Variants in DGKB observed in about 807,000 individuals in gnomAD.
DGKB encodes the protein diacylglycerol kinase beta.
A neutral mutation model predicts 114.3 loss-of-function variants in DGKB; 67 were observed. That is an observed-to-expected ratio of 0.59 (90% CI 0.48 to 0.72). The LOEUF (loss-of-function observed/expected upper bound fraction) is 0.72. Ranked by LOEUF, DGKB falls within the 30% of genes least tolerant of loss-of-function variation. The probability of loss-of-function intolerance (pLI) is 0.00; values close to 1 mark genes in which losing one functional copy is unlikely to be tolerated. For missense variants in DGKB, 907 were observed against 975.2 expected, an observed-to-expected ratio of 0.93 and a Z score of 0.93; for synonymous variants, 398 against 323.1, an observed-to-expected ratio of 1.23 and a Z score of -2.49.
intron 20 of DGKB, among the ~76,000 whole-genome samples, chr7:14,572,500 A>G (rs1052091085): frequency 1.3e-5 from 2 of 151,910 alleles, no homozygotes; most frequent in African/African-American, 4.8e-5. Flanking sequence ...AGTAACAATG[A>G]CTCTCCAAAT....
intron 4 of DGKB, among the ~76,000 whole-genome samples, chr7:14,739,167 G>C (rs1832172847): frequency 6.6e-6 from 1 of 152,196 alleles, no homozygotes; most frequent in Non-Finnish European, 1.5e-5. Context: ...TCTAACGATA[G>C]AGGCAGGACA....
rs1169707049 is a variant in DGKB, at chr7:14,626,728, CA to C, written c.1167+3507del. The stretch of plus-strand genomic sequence containing the variant: ...TATTAGTAATCTTTGGAAATTGCAG[CA>C]AAACTATTTGCTGACTAGAAAAAAC... On this transcript the variant is annotated intron_variant, in intron 14 of 25. Coordinates refer to ENST00000402815, the MANE Select transcript of DGKB (RefSeq NM_001350709.2). Among the ~76,000 whole-genome samples the C allele has an allele frequency of 2.6e-5, 4 of 152,006 alleles. No homozygotes were observed. In the East Asian group the frequency reaches 7.7e-4, roughly 29 times the overall value.
intron 21 of DGKB, among the ~76,000 whole-genome samples, chr7:14,432,368 C>T (rs773265421): frequency 2.3e-4 from 35 of 152,120 alleles, no homozygotes; most frequent in Non-Finnish European, 4.6e-4. Flanking sequence ...ATCATCACTC[C>T]CTCCGTGCAA....
intron 21 of DGKB, among the ~76,000 whole-genome samples, chr7:14,399,883 G>C (rs1461392033): frequency 3.3e-5 from 5 of 151,770 alleles, no homozygotes; most frequent in Non-Finnish European, 5.9e-5. Flanking sequence ...AGTCTTCATA[G>C]ACTGCCAGAT....
intron 21 of DGKB, among the ~76,000 whole-genome samples, chr7:14,468,850 T>C (rs1228924284): frequency 6.6e-6 from 1 of 152,046 alleles, no homozygotes; most frequent in Non-Finnish European, 1.5e-5. Context: ...CTAGAAGTAT[T>C]TGTATGTGTG....
At chr7:14,742,146 T>C (rs937512543) in intron 4 of DGKB, among the ~76,000 whole-genome samples, 3 of 152,192 alleles carry the variant, frequency 2.0e-5, no homozygotes, top group African/African-American at 7.2e-5. Flanking sequence ...CCCCAGTAAT[T>C]AGAGGCAGAT....
At chr7:14,318,608 A>C (rs1322504953) in intron 23 of DGKB, among the ~76,000 whole-genome samples, 6 of 152,108 alleles carry the variant, frequency 3.9e-5, no homozygotes, top group African/African-American at 7.2e-5. Flanking sequence ...CACCAGTTAG[A>C]ATGGCAATCA....
intron 21 of DGKB, among the ~76,000 whole-genome samples, chr7:14,442,358 A>G (rs1453399130): frequency 6.6e-6 from 1 of 151,872 alleles, no homozygotes; most frequent in Non-Finnish European, 1.5e-5. Context: ...AATTCTTGAT[A>G]TTCTTAATAT....
intron 23 of DGKB, among the ~76,000 whole-genome samples, chr7:14,203,462 G>T (rs1286992515): frequency 6.6e-6 from 1 of 151,940 alleles, no homozygotes; most frequent in African/African-American, 2.4e-5. Context: ...GAGTACACAT[G>T]TAAAACCAGA....
At chr7:14,804,239 T>C (rs17532173) in intron 2 of DGKB, among the ~76,000 whole-genome samples, 16,624 of 152,030 alleles carry the variant, frequency 0.11, 928 homozygotes, top group South Asian at 0.14. Flanking sequence ...TTGGATTATT[T>C]TTCCATTGTC....
At chr7:14,838,674 C>T (rs1220919835) in intron 2 of DGKB, among the ~76,000 whole-genome samples, 1 of 152,160 alleles carries the variant, frequency 6.6e-6, no homozygotes, top group African/African-American at 2.4e-5. Flanking sequence ...TACACCAATA[C>T]CCTACTAACT....
chr7:14,964,155 C>A (rs1057328225), intron 1 of DGKB, among the ~76,000 whole-genome samples: 4 of 152,166 alleles, frequency 2.6e-5, no homozygotes, highest in African/African-American at 9.6e-5. Context: ...AATAGAGTCA[C>A]ATAATATGTG....
chr7:14,853,817 G>A (rs553540763), intron 1 of DGKB, among the ~76,000 whole-genome samples: 3 of 142,872 alleles, frequency 2.1e-5, no homozygotes, highest in South Asian at 2.3e-4. Context: ...GCAGTGAGCC[G>A]AGATTGGGCC....
chr7:14,911,904 A>G (rs1402057994), intron 1 of DGKB, among the ~76,000 whole-genome samples: 3 of 152,214 alleles, frequency 2.0e-5, no homozygotes, highest in African/African-American at 7.2e-5. Context: ...TTATATGTCA[A>G]TAAAACAGTA....
At chr7:14,878,758 AAAAAAAAAAAC>A (rs980349767) in intron 1 of DGKB, among the ~76,000 whole-genome samples, 4 of 147,788 alleles carry the variant, frequency 2.7e-5, no homozygotes, top group Admixed American at 1.3e-4. Flanking sequence ...CAAAAAACAA[AAAAAAAAAAAC>A]AAAAAAAAAA....
intron 21 of DGKB, among the ~76,000 whole-genome samples, chr7:14,414,507 G>T (rs1251242165): frequency 1.3e-5 from 2 of 152,136 alleles, no homozygotes; most frequent in Non-Finnish European, 2.9e-5. Flanking sequence ...AAAGGCAGTA[G>T]CTTGGAGAAG....
intron 4 of DGKB, chr7:14,750,306 T>C (rs769331117): frequency 1.4e-5 from 6 of 430,214 alleles, no homozygotes; most frequent in African/African-American, 2.0e-5. Context: ...TGCTGCTGTG[T>C]CAAATTGGTC....
intron 17 of DGKB, among the ~76,000 whole-genome samples, chr7:14,589,984 T>C (rs904461095): frequency 6.7e-6 from 1 of 148,706 alleles, no homozygotes; most frequent in African/African-American, 2.5e-5. Context: ...TGAAAACTGG[T>C]AGCACTTGCA....
chr7:14,384,838 T>C (rs186664318), intron 21 of DGKB, among the ~76,000 whole-genome samples: 1 of 152,160 alleles, frequency 6.6e-6, no homozygotes, highest in East Asian at 1.9e-4. Context: ...CCAGGGGTGC[T>C]GCCAAACGTC....
Sources: gnomAD v4.1 joint callset for allele counts (sites outside exome capture counted in the v4.1 genomes callset) on GRCh38, gnomAD v4.1.1 for gene constraint, MANE v1.5 for transcripts, NCBI Gene and HGNC (gene_info 2026-07-23, HGNC 2026-07-21) for gene names.